The following SEZ6 variants were observed in gnomAD, a reference collection of about 807,000 sequenced individuals.
SEZ6 encodes seizure protein 6 homolog.
A neutral mutation model predicts 101.0 loss-of-function variants in SEZ6; 53 were observed. The ratio of observed to expected loss-of-function variants is 0.52; its 90% confidence interval spans 0.42 to 0.66. SEZ6 has a LOEUF of 0.66. Among genes scored for constraint, SEZ6 ranks in the 30% least tolerant of loss-of-function variants. SEZ6 has a pLI of 0.00. For missense variants in SEZ6, 1,102 were observed against 1,289.4 expected (o/e 0.85, Z 2.23); for synonymous variants, 488 against 512.2 (o/e 0.95, Z 0.64).
chr17:28,991,915 T>G (rs2041466222), intron 1 of SEZ6, among the ~76,000 whole-genome samples: 1 of 152,126 alleles, frequency 6.6e-6, no homozygotes, highest in Non-Finnish European at 1.5e-5. Context: ...ATTTTATGGG[T>G]GGAGGACAGC....
chr17:28,959,518 G>T lies in SEZ6; in HGVS notation c.1772-46C>A. The T allele has an allele frequency of 6.3e-7, 1 of 1,598,466 alleles. No individual in the cohort carries two copies. On this transcript the variant is annotated intron_variant, in intron 8 of 16. Coordinates refer to ENST00000317338, the MANE Select transcript of SEZ6 (RefSeq NM_178860.5). The surrounding 1 kb of genome is among the most constrained non-coding windows in gnomAD (Gnocchi z 4.4). ...AGAAGGGTCTTTTCAAGCTTACCAT[G>T]GTGTTGCTTACCATCTGCCCGCAGG... is the stretch of plus-strand genomic sequence containing the variant.
intron 3 of SEZ6, among the ~76,000 whole-genome samples, chr17:28,975,914 C>CA (rs978588325): frequency 6.6e-6 from 1 of 152,236 alleles, no homozygotes; most frequent in Non-Finnish European, 1.5e-5. Flanking sequence ...ATGCCAAGTG[C>CA]AGAGAGAGGC....
At chr17:28,960,326 G>T in intron 7 of SEZ6, 179 bp downstream of exon 7, 1 of 786,162 alleles carries the variant, frequency 1.3e-6, no homozygotes, top group Non-Finnish European at 2.0e-6. Flanking sequence ...AGCTGTGGTA[G>T]GGATCCCGGA....
intron 1 of SEZ6, among the ~76,000 whole-genome samples, chr17:28,986,061 C>T (rs1157416893): frequency 6.6e-6 from 1 of 152,266 alleles, no homozygotes. Context: ...CAGCGCCTGC[C>T]GCCCCCAGCC....
In SEZ6 at chr17:29,005,685, A is replaced by C. The variant is rs2041679409; in HGVS notation, c.55+130T>G. 14 of 870,214 alleles carry C rather than the reference A, an allele frequency of 1.6e-5. No homozygotes were observed. Among genetic ancestry groups the C allele is most frequent in the East Asian group, 4.6e-5 (1 of 21,962 alleles). The allele number at this position is 870,214 out of a possible 1,614,324, so 53.9% of individuals were successfully genotyped here. On this transcript the variant is annotated intron_variant, in intron 1 of 16. Transcript: ENST00000317338. This position sits in a 1 kb window ranked among gnomAD's most constrained non-coding sequence, Gnocchi z 4.8. ...GCCCGGCTTGGCCGGCGCCGGGGGC[A>C]GCGCAGCCGGCGGGGCGCGGTGCTT...
chr17:28,970,340 C>T (rs560746468), intron 3 of SEZ6, among the ~76,000 whole-genome samples: 1 of 152,276 alleles, frequency 6.6e-6, no homozygotes, highest in East Asian at 1.9e-4. Context: ...GTGTCCGAGG[C>T]CCTGGTCAGC....
chr17:29,002,958 C>T (rs1391946569), intron 1 of SEZ6, among the ~76,000 whole-genome samples: 1 of 152,102 alleles, frequency 6.6e-6, no homozygotes, highest in African/African-American at 2.4e-5. Context: ...CAGGCCCCCT[C>T]TATCACCACA....
At chr17:28,956,287 C>G in intron 15 of SEZ6, 26 bp from the exon 16 acceptor site, 1 of 1,593,928 alleles carries the variant, frequency 6.3e-7, no homozygotes, top group South Asian at 1.1e-5. Flanking sequence ...GCCTGCAAGT[C>G]AGGAGCACTG....
chr17:28,986,043 G>A (rs2152690432), intron 1 of SEZ6, among the ~76,000 whole-genome samples: 1 of 152,340 alleles, frequency 6.6e-6, no homozygotes, highest in Non-Finnish European at 1.5e-5. Flanking sequence ...GACTGCCCAG[G>A]AACTTCCCAG....
intron 1 of SEZ6, among the ~76,000 whole-genome samples, chr17:28,997,754 G>T (rs1284494730): frequency 6.6e-6 from 1 of 152,152 alleles, no homozygotes; most frequent in Non-Finnish European, 1.5e-5. Flanking sequence ...TACAAAAGAG[G>T]TGGGGCAGGG....
intron 1 of SEZ6, among the ~76,000 whole-genome samples, chr17:29,001,864 A>G (rs542796097): frequency 2.6e-5 from 4 of 152,286 alleles, no homozygotes; most frequent in African/African-American, 9.6e-5. Flanking sequence ...TAGGCCAGTA[A>G]GCTGGGGACC....
intron 3 of SEZ6, 52 bp from the exon 4 acceptor site, chr17:28,970,004 G>A: frequency 2.7e-6 from 4 of 1,473,728 alleles, no homozygotes; most frequent in Middle Eastern, 1.7e-4. Flanking sequence ...TCTTCCTGCT[G>A]CCTGGATCCT....
intron 1 of SEZ6, among the ~76,000 whole-genome samples, chr17:29,002,689 C>A (rs771000595): frequency 4.6e-5 from 7 of 152,158 alleles, no homozygotes; most frequent in Non-Finnish European, 1.0e-4. Flanking sequence ...AGGCTGGGGA[C>A]AAGGAACAGG....
Position 28,956,420 on chromosome 17 carries a change from C to T in SEZ6, c.2779G>A (p.Ala927Thr). 1 of 1,566,246 alleles carries T rather than the reference C, an allele frequency of 6.4e-7. No homozygotes were observed. Among genetic ancestry groups the T allele is most frequent in the Non-Finnish European group, 8.7e-7 (1 of 1,155,512 alleles). The change falls in exon 15 of 17, where the codon GCA becomes ACA. Residue 927 changes from alanine to threonine, a missense_variant. By Grantham distance (58) the Ala-to-Thr change is moderately conservative. This residue lies in a region of SEZ6 where 140 missense variants were observed against 135.7 expected (regional missense o/e 1.03). Coordinates refer to ENST00000317338, the MANE Select transcript of SEZ6 (RefSeq NM_178860.5). ...ASSTLDAAHI[A>T]AAIFLPLVAM... ...ACCAGTGGCAAGAAGATGGCAGCTG[C>T]AATGTGGGCAGCATCCAGGGTGCTG...
intron 4 of SEZ6, among the ~76,000 whole-genome samples, chr17:28,968,420 G>A (rs1014487463): frequency 4.6e-5 from 7 of 152,232 alleles, no homozygotes; most frequent in East Asian, 1.9e-4. Context: ...TGTCTGGCCC[G>A]ACAGAGAGGA....
At chr17:28,956,095 A>T in intron 16 of SEZ6, 64 bp downstream of exon 16, 2 of 1,593,466 alleles carry the variant, frequency 1.3e-6, no homozygotes, top group Middle Eastern at 1.8e-4. Flanking sequence ...CCTCAGGGTT[A>T]TCTGCCCAAA....
Position 28,956,334 on chromosome 17 carries a change from G to C in SEZ6, c.2849+16C>G, listed in dbSNP as rs1013271898. ...GGTATGCAGGTATGCAGAGCAGAAA[G>C]AGAAGCCAGACTCACCTGGAGAAGT... On this transcript the variant is annotated intron_variant, in intron 15 of 16. Transcript: ENST00000317338. 5 of 1,574,420 alleles carry C rather than the reference G, an allele frequency of 3.2e-6. No homozygotes were observed. The highest frequency in any genetic ancestry group is 2.6e-6 in the Non-Finnish European group (3 of 1,159,460).
At chr17:28,990,456 G>A (rs1233173044) in intron 1 of SEZ6, among the ~76,000 whole-genome samples, 1 of 151,950 alleles carries the variant, frequency 6.6e-6, no homozygotes, top group African/African-American at 2.4e-5. Flanking sequence ...GTAGAGATGG[G>A]GTTTCACCAT....
At chr17:28,996,770 C>T (rs2041548940) in intron 1 of SEZ6, among the ~76,000 whole-genome samples, 1 of 152,164 alleles carries the variant, frequency 6.6e-6, no homozygotes, top group Non-Finnish European at 1.5e-5. Flanking sequence ...CCCAGAACCT[C>T]AGGAACACCA....
Sources: gnomAD v4.1 joint callset for allele counts (sites outside exome capture counted in the v4.1 genomes callset) on GRCh38, gnomAD v4.1.1 for gene constraint, gnomAD v4.1.1 regional missense constraint, Gnocchi (gnomAD v3.1) non-coding constraint, MANE v1.5 for transcripts, NCBI Gene and HGNC (gene_info 2026-07-23, HGNC 2026-07-21) for gene names.